VOPP1: variants seen among roughly 807,000 people sequenced by gnomAD.
VOPP1 encodes the protein VOPP1 WW domain binding protein.
A neutral mutation model predicts 23.5 loss-of-function variants in VOPP1; 8 were observed. The ratio of observed to expected loss-of-function variants is 0.34; its 90% CI spans 0.20 to 0.61. The LOEUF (loss-of-function observed/expected upper bound fraction) is 0.61. VOPP1 is among the 20% of genes least tolerant of loss of function. The pLI is 0.78. For missense variants in VOPP1, 174 were observed against 238.1 expected (o/e 0.73, Z 1.77); for synonymous variants, 83 against 97.3 (o/e 0.85, Z 0.86).
intron 4 of VOPP1, among the ~76,000 whole-genome samples, chr7:55,447,512 C>G (rs889752800): frequency 2.0e-5 from 3 of 152,110 alleles, no homozygotes; most frequent in African/African-American, 7.2e-5. Flanking sequence ...ATGCCGCCAC[C>G]TAAATAAGGA....
chr7:55,485,645 T>C (rs1480391671), intron 4 of VOPP1, among the ~76,000 whole-genome samples: 1 of 152,246 alleles, frequency 6.6e-6, no homozygotes, highest in African/African-American at 2.4e-5. Context: ...GGCTGTCCTG[T>C]GGCTGCACTG....
At chr7:55,511,712 C>G (rs1307218937) in intron 2 of VOPP1, among the ~76,000 whole-genome samples, 1 of 152,188 alleles carries the variant, frequency 6.6e-6, no homozygotes, top group Non-Finnish European at 1.5e-5. Flanking sequence ...TACCTGTGAC[C>G]TGGAAGCCCT....
At chr7:55,543,349 A>G (rs1797221566) in intron 1 of VOPP1, among the ~76,000 whole-genome samples, 1 of 152,238 alleles carries the variant, frequency 6.6e-6, no homozygotes, top group Non-Finnish European at 1.5e-5. Flanking sequence ...TGTAACAAAC[A>G]TGGGAGTACA....
chr7:55,462,630 G>A (rs1348753117), intron 4 of VOPP1, among the ~76,000 whole-genome samples: 2 of 149,758 alleles, frequency 1.3e-5, no homozygotes, highest in Non-Finnish European at 3.0e-5. Flanking sequence ...GCTTGGTCTA[G>A]TCTATTGTTG....
chr7:55,480,400 A>C (rs1008048561), intron 4 of VOPP1, among the ~76,000 whole-genome samples: 1 of 152,106 alleles, frequency 6.6e-6, no homozygotes. Context: ...AACTCCTTTG[A>C]ATCTGTAGTG....
At chr7:55,451,306 C>A (rs1309375669) in intron 4 of VOPP1, among the ~76,000 whole-genome samples, 1 of 152,110 alleles carries the variant, frequency 6.6e-6, no homozygotes, top group African/African-American at 2.4e-5. Flanking sequence ...GCCTGAAGTA[C>A]AGGAATACCT....
chr7:55,570,501 A>C (rs1303026308), intron 1 of VOPP1, among the ~76,000 whole-genome samples: 3 of 152,224 alleles, frequency 2.0e-5, no homozygotes, highest in Admixed American at 6.5e-5. Flanking sequence ...CTATGCAACG[A>C]AACAGCTATT....
At chr7:55,561,788 G>A (rs1403724199) in intron 1 of VOPP1, 2 of 552,182 alleles carry the variant, frequency 3.6e-6, no homozygotes, top group Non-Finnish European at 6.5e-6. Context: ...CAGTATCTGA[G>A]CTCAGAGCAC....
chr7:55,564,469 T>TG, intron 1 of VOPP1, among the ~76,000 whole-genome samples: 1 of 152,214 alleles, frequency 6.6e-6, no homozygotes, highest in South Asian at 2.1e-4. Context: ...GTCACCTGAG[T>TG]AGCTGCTCAA....
intron 4 of VOPP1, among the ~76,000 whole-genome samples, chr7:55,486,358 T>C (rs79951821): frequency 0.012 from 1,824 of 152,360 alleles, 12 homozygotes; most frequent in Middle Eastern, 0.02. Flanking sequence ...AAACAGCTGC[T>C]GCTTTTGTAT....
chr7:55,452,661 A>C (rs542264943), intron 4 of VOPP1, among the ~76,000 whole-genome samples: 8 of 152,326 alleles, frequency 5.3e-5, no homozygotes, highest in African/African-American at 1.9e-4. Flanking sequence ...AACAACAATA[A>C]TCTTCTATGT....
intron 1 of VOPP1, among the ~76,000 whole-genome samples, chr7:55,547,428 T>C (rs1384043567): frequency 6.6e-6 from 1 of 152,206 alleles, no homozygotes; most frequent in Non-Finnish European, 1.5e-5. Flanking sequence ...AACAGTGACA[T>C]GTAAGTACAG....
At chr7:55,521,976 T>C (rs890671859) in intron 1 of VOPP1, 3 of 859,400 alleles carry the variant, frequency 3.5e-6, no homozygotes, top group Non-Finnish European at 4.2e-6. Context: ...ATCTAGTTTA[T>C]TGGCCCCCAT....
At chr7:55,460,919 T>A (rs1462631604) in intron 4 of VOPP1, among the ~76,000 whole-genome samples, 1 of 152,146 alleles carries the variant, frequency 6.6e-6, no homozygotes, top group Non-Finnish European at 1.5e-5. Flanking sequence ...GGGTTATTTT[T>A]AAAAATGCAT....
chr7:55,548,762 T>C (rs1006818816), intron 1 of VOPP1, among the ~76,000 whole-genome samples: 2 of 152,208 alleles, frequency 1.3e-5, no homozygotes, highest in Admixed American at 6.5e-5. Context: ...TTCAGAAATC[T>C]GGGAAATATA....
At chr7:55,461,227 C>T (rs921995428) in intron 4 of VOPP1, among the ~76,000 whole-genome samples, 5 of 151,968 alleles carry the variant, frequency 3.3e-5, no homozygotes, top group Non-Finnish European at 5.9e-5. Flanking sequence ...ACTTTGGGGA[C>T]TCACGGGGAA....
intron 4 of VOPP1, among the ~76,000 whole-genome samples, chr7:55,486,640 C>G (rs1315524700): frequency 6.6e-6 from 1 of 152,260 alleles, no homozygotes; most frequent in African/African-American, 2.4e-5. Context: ...CCCACACCCC[C>G]TCACCCTGAC....
At chr7:55,443,630 A>G (rs1214546276) in intron 4 of VOPP1, among the ~76,000 whole-genome samples, 2 of 149,128 alleles carry the variant, frequency 1.3e-5, no homozygotes, top group African/African-American at 4.9e-5. Flanking sequence ...AAAGATATGA[A>G]GGAATTATTG....
At chr7:55,487,061 T>C (rs1793199143) in intron 4 of VOPP1, among the ~76,000 whole-genome samples, 1 of 152,214 alleles carries the variant, frequency 6.6e-6, no homozygotes, top group African/African-American at 2.4e-5. Flanking sequence ...GAATGACGCT[T>C]ATTCCACCAG....
Sources: allele counts gnomAD v4.1 joint callset (sites outside exome capture counted in the v4.1 genomes callset), GRCh38; gene constraint gnomAD v4.1.1; transcripts MANE v1.5; gene names NCBI Gene and HGNC (gene_info 2026-07-23, HGNC 2026-07-21).